SLC24A2: variants seen among roughly 807,000 people sequenced by gnomAD.
SLC24A2 encodes sodium/potassium/calcium exchanger 2.
In SLC24A2, 36 loss-of-function variants were observed where a neutral mutation model predicts 62.0. That is an observed-to-expected ratio of 0.58 (90% CI 0.44 to 0.77). The LOEUF is 0.77. SLC24A2 is among the 30% of genes least tolerant of loss of function. The pLI, the probability that SLC24A2 is intolerant of heterozygous loss-of-function variation, is 0.00. For missense variants in SLC24A2, 846 were observed against 817.9 expected (o/e 1.03, Z -0.42); for synonymous variants, 358 against 294.0 (o/e 1.22, Z -2.23).
At chr9:19,665,697 C>T (rs1326127291) in intron 2 of SLC24A2, among the ~76,000 whole-genome samples, 1 of 152,102 alleles carries the variant, frequency 6.6e-6, no homozygotes, top group Non-Finnish European at 1.5e-5. Context: ...ATGATCATGG[C>T]TCACTGCAGC....
At chr9:19,602,803 T>C (rs1007622749) in intron 4 of SLC24A2, among the ~76,000 whole-genome samples, 3 of 152,202 alleles carry the variant, frequency 2.0e-5, no homozygotes. Context: ...ATAATAAAAG[T>C]TCTTATCTTA....
At chr9:19,532,834 T>C (rs1024872932) in intron 8 of SLC24A2, among the ~76,000 whole-genome samples, 1 of 152,234 alleles carries the variant, frequency 6.6e-6, no homozygotes, top group Non-Finnish European at 1.5e-5. Flanking sequence ...CTCAGGTTCC[T>C]TCCTAGTTCT....
chr9:20,106,490 C>T, the SLC24A2 span, among the ~76,000 whole-genome samples: 1 of 152,154 alleles, frequency 6.6e-6, no homozygotes, highest in Admixed American at 6.5e-5. Context: ...CATCAAAAAG[C>T]TTATCTACCA....
the SLC24A2 span, among the ~76,000 whole-genome samples, chr9:20,244,550 G>A: frequency 1.3e-5 from 2 of 152,172 alleles, no homozygotes; most frequent in Admixed American, 1.3e-4. Context: ...CACCAGTGCC[G>A]AACATCTTTG....
the SLC24A2 span, among the ~76,000 whole-genome samples, chr9:20,071,733 C>T: frequency 2.0e-5 from 3 of 152,100 alleles, no homozygotes; most frequent in Non-Finnish European, 4.4e-5. Context: ...AACACTATCT[C>T]TGGATAGACA....
At chr9:19,611,032 G>T (rs528457505) in intron 4 of SLC24A2, among the ~76,000 whole-genome samples, 3 of 152,158 alleles carry the variant, frequency 2.0e-5, no homozygotes, top group Non-Finnish European at 4.4e-5. Context: ...AGCAGGGAGA[G>T]GGAGAGTGAG....
chr9:20,060,822 A>G, the SLC24A2 span, among the ~76,000 whole-genome samples: 1 of 152,226 alleles, frequency 6.6e-6, no homozygotes, highest in African/African-American at 2.4e-5. Context: ...TGGAGCTACT[A>G]TAACGATTTT....
chr9:20,106,023 C>G, the SLC24A2 span, among the ~76,000 whole-genome samples: 1 of 152,172 alleles, frequency 6.6e-6, no homozygotes, highest in African/African-American at 2.4e-5. Context: ...AATATCACCA[C>G]TGATCCCACA....
At chr9:20,016,005 G>A in the SLC24A2 span, among the ~76,000 whole-genome samples, 2 of 152,140 alleles carry the variant, frequency 1.3e-5, no homozygotes, top group Non-Finnish European at 2.9e-5. Flanking sequence ...GCATGAACAT[G>A]TTCACAAGTG....
the SLC24A2 span, among the ~76,000 whole-genome samples, chr9:20,088,956 T>C: frequency 1.3e-5 from 2 of 152,174 alleles, no homozygotes; most frequent in African/African-American, 4.8e-5. Context: ...CCCACCATAT[T>C]GCCACGCCCT....
chr9:19,837,078 C>T, the SLC24A2 span, among the ~76,000 whole-genome samples: 1 of 152,082 alleles, frequency 6.6e-6, no homozygotes, highest in African/African-American at 2.4e-5. Flanking sequence ...GGACGTATCT[C>T]AAAATAATAA....
chr9:19,656,611 T>G (rs1057230601), intron 2 of SLC24A2, among the ~76,000 whole-genome samples: 1 of 152,208 alleles, frequency 6.6e-6, no homozygotes, highest in Non-Finnish European at 1.5e-5. Context: ...TCCTATGTTT[T>G]TATCCCCCAC....
intron 7 of SLC24A2, among the ~76,000 whole-genome samples, chr9:19,571,735 CA>C (rs1835843020): frequency 6.6e-6 from 1 of 152,214 alleles, no homozygotes; most frequent in Non-Finnish European, 1.5e-5. Context: ...GCCTAATTAA[CA>C]TGCAAGTTTG....
At chr9:20,019,129 GA>G in the SLC24A2 span, among the ~76,000 whole-genome samples, 1 of 104,640 alleles carries the variant, frequency 9.6e-6, no homozygotes, top group Non-Finnish European at 1.9e-5. Flanking sequence ...AAGAAAGAAA[GA>G]AAGAAAGAAA....
the SLC24A2 span, among the ~76,000 whole-genome samples, chr9:20,179,527 G>A: frequency 2.6e-5 from 4 of 152,252 alleles, no homozygotes; most frequent in Non-Finnish European, 5.9e-5. Flanking sequence ...GACTGGACAA[G>A]GACACAGAAG....
At chr9:19,732,034 C>T (rs1193611962) in intron 2 of SLC24A2, among the ~76,000 whole-genome samples, 9 of 152,140 alleles carry the variant, frequency 5.9e-5, no homozygotes, top group Admixed American at 6.5e-5. Flanking sequence ...TGGCACATGG[C>T]AGGTGCTCAA....
the SLC24A2 span, among the ~76,000 whole-genome samples, chr9:20,202,539 G>C: frequency 6.6e-6 from 1 of 152,102 alleles, no homozygotes; most frequent in African/African-American, 2.4e-5. Flanking sequence ...GGATAGTTGT[G>C]GGTTTCAGGG....
intron 2 of SLC24A2, among the ~76,000 whole-genome samples, chr9:19,735,941 G>T (rs1308993920): frequency 1.3e-5 from 2 of 151,998 alleles, no homozygotes; most frequent in African/African-American, 4.8e-5. Context: ...CAACAACATG[G>T]CACATGTATA....
At position 19,745,504 on chromosome 9, in the gene SLC24A2, A is replaced by C. The variant is rs140537432; in HGVS notation, c.930+40433T>G. ...GAATTTCATGCCTCTTCCAAGACCT[A>C]ATAAATCAGAAACTCTGGGGGTAGA... On this transcript the variant is annotated intron_variant, in intron 2 of 10. Transcript: ENST00000341998. Among the ~76,000 whole-genome samples, 136 of 152,250 alleles carry C rather than the reference A, an allele frequency of 8.9e-4. 1 individual carries two copies. The highest frequency in any genetic ancestry group is 3.2e-3 in the African/African-American group (131 of 41,554).
Sources: gnomAD v4.1 joint callset for allele counts (sites outside exome capture counted in the v4.1 genomes callset) on GRCh38, gnomAD v4.1.1 for gene constraint, MANE v1.5 for transcripts, NCBI Gene and HGNC (gene_info 2026-07-23, HGNC 2026-07-21) for gene names.